The following ARHGEF28 variants were observed in gnomAD, a reference collection of about 807,000 sequenced individuals.
The protein encoded by ARHGEF28 is Rho guanine nucleotide exchange factor 28, also known as 190 kDa guanine nucleotide exchange factor.
Under a neutral mutation model 206.6 loss-of-function variants are expected in ARHGEF28, and 152 were observed. That is an observed-to-expected ratio of 0.74 (90% confidence interval 0.64 to 0.84). ARHGEF28 has a LOEUF of 0.84. ARHGEF28 is among the 40% of genes least tolerant of loss of function. The pLI is 0.00. For synonymous variants in ARHGEF28, 763 were observed against 776.4 expected, an observed-to-expected ratio of 0.98 and a Z score of 0.29; for missense variants, 2,028 against 2,073.2, an observed-to-expected ratio of 0.98 and a Z score of 0.42.
At chr5:73,658,363 G>A (rs1026440503) in intron 1 of ARHGEF28, among the ~76,000 whole-genome samples, 1 of 152,104 alleles carries the variant, frequency 6.6e-6, no homozygotes, top group Non-Finnish European at 1.5e-5. Context: ...CCAGTGCCAA[G>A]CACAGGGTAG....
Position 73,891,539 on chromosome 5 carries a change from C to CT in ARHGEF28, c.3388-503dup, listed in dbSNP as rs569877219. ...AGTTCAGTTTTTAAACAACCAATTCCTTTTTTTTTTCTTTTTTTGAGATGG... is the reference window on the plus strand; with the variant it reads ...AGTTCAGTTTTTAAACAACCAATTCCTTTTTTTTTTTCTTTTTTTGAGATGG... On this transcript the variant is annotated intron_variant, in intron 26 of 35. Coordinates refer to ENST00000513042, the MANE Select transcript of ARHGEF28 (RefSeq NM_001177693.2). 3.0e-3 allele frequency among the ~76,000 whole-genome samples: 448 copies of CT among 148,624 alleles called. 14 individuals are homozygous for CT. The East Asian group carries it at 0.072, about 24-fold the overall frequency.
chr5:73,720,049 G>A (rs142582180), intron 2 of ARHGEF28, among the ~76,000 whole-genome samples: 279 of 152,344 alleles, frequency 1.8e-3, no homozygotes, highest in African/African-American at 6.6e-3. Flanking sequence ...TGCCGCAGAG[G>A]CGAATAGTAA....
intron 2 of ARHGEF28, among the ~76,000 whole-genome samples, chr5:73,740,315 A>G (rs1751308741): frequency 6.6e-6 from 1 of 152,224 alleles, no homozygotes; most frequent in Non-Finnish European, 1.5e-5. Flanking sequence ...CAGATATTAT[A>G]GATTCTAGAC....
At chr5:73,920,782 G>T (rs928336897) in intron 35 of ARHGEF28, among the ~76,000 whole-genome samples, 1 of 151,966 alleles carries the variant, frequency 6.6e-6, no homozygotes, top group African/African-American at 2.4e-5. Flanking sequence ...CCCCCATATG[G>T]CCATGCATAG....
intron 35 of ARHGEF28, among the ~76,000 whole-genome samples, chr5:73,918,030 A>G (rs1416027690): frequency 6.6e-6 from 1 of 152,160 alleles, no homozygotes; most frequent in Non-Finnish European, 1.5e-5. Context: ...CACTCTCTCC[A>G]TGTATCAGAA....
intron 22 of ARHGEF28, among the ~76,000 whole-genome samples, chr5:73,880,080 C>G (rs541458021): frequency 1.3e-5 from 2 of 152,330 alleles, no homozygotes; most frequent in East Asian, 3.9e-4. Context: ...TGGGCTCTAC[C>G]CACTTGGAGC....
In ARHGEF28 at chr5:73,835,764, A is replaced by G. The variant is rs114571022; in HGVS notation, c.1146+3305A>G. 1.9e-3 allele frequency among the ~76,000 whole-genome samples: 293 copies of G among 152,270 alleles called. 5 individuals are homozygous for G. The highest frequency in any genetic ancestry group is 6.6e-3 in the African/African-American group (275 of 41,554). ...CATTTTATAGCTGGTTGATAAAACA[A>G]TCTGGGGCTTGTGGTTGTCATTGGA... On this transcript the variant is annotated intron_variant, in intron 10 of 35. Transcript: ENST00000513042.
intron 4 of ARHGEF28, among the ~76,000 whole-genome samples, chr5:73,770,739 C>A (rs569019418): frequency 6.6e-6 from 1 of 152,228 alleles, no homozygotes; most frequent in African/African-American, 2.4e-5. Context: ...CTCTCTCTTA[C>A]AACATTTTGG....
In ARHGEF28 at chr5:73,870,197, G is replaced by T; in HGVS notation, c.2554G>T (p.Asp852Tyr). ...GGAGAAGGATGTCATCAAAAGACAG[G>T]ATGTCATTTTTGGTAAGCGTTTCAA... is the stretch of plus-strand genomic sequence containing the variant. ...RQEKDVIKRQ[D>Y]VIFELMQTEM... Residue 852 changes from aspartate (D) to tyrosine (Y), a missense_variant, in exon 21 of 36, where the codon GAT (aspartate) becomes TAT (tyrosine). Physicochemically the swap from Asp to Tyr is radical, Grantham distance 160 (BLOSUM62 -3). Coordinates refer to ENST00000513042, the MANE Select transcript of ARHGEF28 (RefSeq NM_001177693.2). 6.2e-7 allele frequency: 1 copy of T among 1,613,524 alleles called. No individual in the cohort carries two copies. The highest frequency in any genetic ancestry group is 8.5e-7 in the Non-Finnish European group (1 of 1,179,702).
At chr5:73,927,762 A>G (rs1274951733) in intron 35 of ARHGEF28, among the ~76,000 whole-genome samples, 2 of 152,194 alleles carry the variant, frequency 1.3e-5, no homozygotes, top group Non-Finnish European at 2.9e-5. Flanking sequence ...AAAAATGTTT[A>G]AGTTTAATTT....
At position 73,780,500 on chromosome 5, in the gene ARHGEF28, C is replaced by T. The variant is rs142498812; in HGVS notation, c.841-176C>T. ...CCTTGGAGTTTCTCCTGACTTTGCT[C>T]GCCCTCCTGCTGGGGTGCTGGCTAT... is the stretch of plus-strand genomic sequence containing the variant. On this transcript the variant is annotated intron_variant, in intron 6 of 35. Transcript: ENST00000513042. 2.0e-3 allele frequency: 1,173 copies of T among 601,346 alleles called. 6 individuals are homozygous for T. The highest frequency in any genetic ancestry group is 8.5e-3 in the Middle Eastern group (20 of 2,344). The allele number at this position is 601,346 out of a possible 1,614,324, so 37.3% of individuals were successfully genotyped here.
intron 9 of ARHGEF28, among the ~76,000 whole-genome samples, chr5:73,801,646 C>G (rs994499488): frequency 2.0e-5 from 3 of 151,984 alleles, no homozygotes; most frequent in African/African-American, 7.3e-5. Context: ...CTGAAAAATA[C>G]GTTTTCAATC....
rs184563716 is a variant in ARHGEF28 at position 73,705,145 on chromosome 5, C to T, written c.33+20261C>T. On this transcript the variant is annotated intron_variant, in intron 2 of 35. Transcript: ENST00000513042. Reference sequence around the variant, plus strand: ...CTTTTCTATAGGTGGCAATTAACCCCTTGATTTGCTCTGTCTGCGTAAAGC... The same window carrying T: ...CTTTTCTATAGGTGGCAATTAACCCTTTGATTTGCTCTGTCTGCGTAAAGC... Among the ~76,000 whole-genome samples the T allele has an allele frequency of 1.3e-4, 20 of 152,304 alleles. No homozygotes were observed. In the East Asian group the frequency reaches 3.7e-3, roughly 28 times the overall value.
intron 2 of ARHGEF28, among the ~76,000 whole-genome samples, chr5:73,748,582 A>C (rs1445797942): frequency 6.6e-6 from 1 of 152,202 alleles, no homozygotes; most frequent in East Asian, 1.9e-4. Flanking sequence ...AGGCAAATTG[A>C]TGTTAAGGAG....
intron 4 of ARHGEF28, among the ~76,000 whole-genome samples, chr5:73,759,232 C>A (rs1044452064): frequency 1.3e-5 from 2 of 152,166 alleles, no homozygotes; most frequent in African/African-American, 4.8e-5. Flanking sequence ...AGAGTTATAA[C>A]AACCACAACA....
At chr5:73,744,125 T>C (rs541837479) in intron 2 of ARHGEF28, among the ~76,000 whole-genome samples, 3 of 152,270 alleles carry the variant, frequency 2.0e-5, no homozygotes, top group Admixed American at 1.3e-4. Flanking sequence ...GCTGTACACA[T>C]AGATAATATG....
intron 11 of ARHGEF28, among the ~76,000 whole-genome samples, chr5:73,842,188 TC>T (rs1055160548): frequency 5.3e-5 from 8 of 152,154 alleles, no homozygotes; most frequent in Non-Finnish European, 7.3e-5. Context: ...AGCTTTTTTT[TC>T]CCCCATATCC....
At chr5:73,900,279 A>G (rs1762186793) in intron 30 of ARHGEF28, 1 of 152,108 alleles carries the variant, frequency 6.6e-6, no homozygotes, top group South Asian at 2.1e-4. Context: ...AATTATACAA[A>G]CAAACAGTGT....
chr5:73,811,897 T>C (rs545999202), intron 9 of ARHGEF28, among the ~76,000 whole-genome samples: 38 of 150,936 alleles, frequency 2.5e-4, no homozygotes, highest in African/African-American at 9.3e-4. Context: ...GCAGGAGAAT[T>C]GCTTGAACCC....
Sources: allele counts gnomAD v4.1 joint callset (sites outside exome capture counted in the v4.1 genomes callset), GRCh38; gene constraint gnomAD v4.1.1; transcripts MANE v1.5; gene names NCBI Gene and HGNC (gene_info 2026-07-23, HGNC 2026-07-21).